Variants in PPARG observed in about 807,000 individuals in gnomAD.
PPARG encodes the protein peroxisome proliferator activated receptor gamma.
Under a neutral mutation model 39.2 loss-of-function variants are expected in PPARG, and 17 were observed. The ratio of observed to expected loss-of-function variants is 0.43; its 90% CI spans 0.30 to 0.65. PPARG has a LOEUF of 0.65. Ranked by LOEUF, PPARG falls within the 30% of genes least tolerant of loss-of-function variation. The probability of loss-of-function intolerance (pLI) is 0.13; values close to 1 mark genes in which losing one functional copy is unlikely to be tolerated. For synonymous variants in PPARG, 223 were observed against 215.7 expected (o/e 1.03, Z -0.30); for missense variants, 406 against 585.9 (o/e 0.69, Z 3.17).
intron 1 of PPARG, among the ~76,000 whole-genome samples, chr3:12,305,574 T>C (rs1207619289): frequency 6.6e-6 from 1 of 152,264 alleles, no homozygotes; most frequent in Admixed American, 6.5e-5. Flanking sequence ...TTTATTACAC[T>C]TTCATATGTG....
In PPARG at chr3:12,390,637, C is replaced by CTTTTTTTTT. The variant is rs35190152; in HGVS notation, c.391-1964_391-1956dup. 6.5e-5 allele frequency among the ~76,000 whole-genome samples: 6 copies of CTTTTTTTTT among 92,354 alleles called. 1 individual carries two copies. Among genetic ancestry groups the CTTTTTTTTT allele is most frequent in the African/African-American group, 9.0e-5 (2 of 22,272 alleles). The allele number at this position is 92,354 out of a possible 152,430, so 60.6% of individuals were successfully genotyped here. On this transcript the variant is annotated intron_variant, in intron 4 of 7. Coordinates refer to ENST00000651735, the MANE Select transcript of PPARG (RefSeq NM_138711.6). ...TATGTGATAAAGCTGTATTTTCTTC[C>CTTTTTTTTT]TTTTTTTTTTTTTTTTTTTTTGAGA...
chr3:12,355,487 A>G (rs1447881352), intron 2 of PPARG, among the ~76,000 whole-genome samples: 2 of 152,284 alleles, frequency 1.3e-5, no homozygotes, highest in Admixed American at 1.3e-4. Flanking sequence ...TTTTTCTTGA[A>G]TATTACTCTT....
intron 2 of PPARG, among the ~76,000 whole-genome samples, chr3:12,358,011 A>G (rs780305597): frequency 3.3e-5 from 5 of 152,232 alleles, no homozygotes; most frequent in Non-Finnish European, 7.3e-5. Context: ...ATTTTAGTGT[A>G]TGTTAAATAT....
At chr3:12,315,187 T>C (rs145299836) in intron 2 of PPARG, among the ~76,000 whole-genome samples, 45 of 152,322 alleles carry the variant, frequency 3.0e-4, no homozygotes, top group African/African-American at 9.4e-4. Context: ...AAACTTCGCA[T>C]ATGAGTGAGA....
chr3:12,414,462 GA>G (rs2050991053), intron 6 of PPARG, among the ~76,000 whole-genome samples: 1 of 151,908 alleles, frequency 6.6e-6, no homozygotes, highest in African/African-American at 2.4e-5. Flanking sequence ...CTCAAAAAAT[GA>G]AATAATTTTT....
chr3:12,332,833 C>G (rs117350179), intron 2 of PPARG, among the ~76,000 whole-genome samples: 4,847 of 152,248 alleles, frequency 0.032, 266 homozygotes, highest in East Asian at 0.28. Flanking sequence ...GAGTTCAAGA[C>G]TAGCCTGGGA....
intron 4 of PPARG, among the ~76,000 whole-genome samples, chr3:12,385,768 C>T (rs940767963): frequency 8.5e-5 from 13 of 152,128 alleles, no homozygotes; most frequent in Non-Finnish European, 2.9e-5. Flanking sequence ...TTCTCACCTG[C>T]CAGTCGTAGC....
At chr3:12,364,999 T>C (rs2048969155) in intron 2 of PPARG, among the ~76,000 whole-genome samples, 2 of 152,186 alleles carry the variant, frequency 1.3e-5, no homozygotes, top group Admixed American at 6.5e-5. Flanking sequence ...TGGAAGACAG[T>C]TTTTCCATGG....
chr3:12,372,591 T>A (rs2049259355), intron 2 of PPARG, among the ~76,000 whole-genome samples: 1 of 152,182 alleles, frequency 6.6e-6, no homozygotes, highest in South Asian at 2.1e-4. Context: ...ATGTAACATT[T>A]TACCAGCTAT....
chr3:12,399,730 T>C (rs1285600323), intron 5 of PPARG, among the ~76,000 whole-genome samples: 1 of 149,438 alleles, frequency 6.7e-6, no homozygotes, highest in Non-Finnish European at 1.5e-5. Flanking sequence ...GAGCCAGGTG[T>C]AGTGGCTCAT....
At chr3:12,394,352 A>G (rs1007733091) in intron 5 of PPARG, among the ~76,000 whole-genome samples, 2 of 152,220 alleles carry the variant, frequency 1.3e-5, no homozygotes, top group African/African-American at 2.4e-5. Flanking sequence ...CCTGTTGCTT[A>G]CAGGCATTGC....
chr3:12,396,273 A>G (rs746508664), intron 5 of PPARG, among the ~76,000 whole-genome samples: 1 of 151,784 alleles, frequency 6.6e-6, no homozygotes, highest in Non-Finnish European at 1.5e-5. Context: ...AGGTGCCCGA[A>G]ACCATACCCA....
At chr3:12,411,579 A>G (rs922391394) in intron 6 of PPARG, among the ~76,000 whole-genome samples, 1 of 152,212 alleles carries the variant, frequency 6.6e-6, no homozygotes, top group African/African-American at 2.4e-5. Flanking sequence ...ATAGAAAGCA[A>G]TGGAAAGGGA....
At chr3:12,334,267 G>C (rs1352649306) in intron 2 of PPARG, among the ~76,000 whole-genome samples, 3 of 144,958 alleles carry the variant, frequency 2.1e-5, no homozygotes, top group Non-Finnish European at 3.0e-5. Context: ...GTCTTGCTCT[G>C]TGACCCTGGC....
intron 5 of PPARG, among the ~76,000 whole-genome samples, chr3:12,394,868 T>C (rs528600937): frequency 6.6e-6 from 1 of 152,350 alleles, no homozygotes; most frequent in East Asian, 1.9e-4. Context: ...TCATATAGAA[T>C]GCCTTTTTAT....
rs369178039 is a variant in PPARG, at chr3:12,379,806, T to C, written c.95T>C (p.Ile32Thr). Reference sequence around the variant, plus strand: ...GAAGACCACTCCCACTCCTTTGATATCAAGCCCTTCACTACTGTTGACTTC... The same window carrying C: ...GAAGACCACTCCCACTCCTTTGATACCAAGCCCTTCACTACTGTTGACTTC... ...VMEDHSHSFD[I>T]KPFTTVDFSS... Residue 32 changes from isoleucine (I) to threonine (T), a missense_variant, in exon 3 of 8, where the codon ATC becomes ACC. By Grantham distance (89) the Ile-to-Thr change is moderately conservative (BLOSUM62 -1). Transcript: ENST00000651735. 1 of 1,614,068 alleles carries C rather than the reference T, an allele frequency of 6.2e-7. No individual in the cohort carries two copies. Among genetic ancestry groups the C allele is most frequent in the Non-Finnish European group, 8.5e-7 (1 of 1,179,940 alleles).
chr3:12,304,434 C>T (rs919702286), intron 1 of PPARG, among the ~76,000 whole-genome samples: 1 of 152,124 alleles, frequency 6.6e-6, no homozygotes, highest in Admixed American at 6.5e-5. Flanking sequence ...GAGTGATAGC[C>T]TTACTATATT....
chr3:12,321,618 A>G (rs1299141718), intron 2 of PPARG, among the ~76,000 whole-genome samples: 1 of 152,080 alleles, frequency 6.6e-6, no homozygotes, highest in Non-Finnish European at 1.5e-5. Flanking sequence ...CATCGTTTCC[A>G]TCATCCTCCA....
At chr3:12,381,555 C>T in intron 4 of PPARG, 64 bp downstream of exon 4, 1 of 1,527,030 alleles carries the variant, frequency 6.5e-7, no homozygotes, top group East Asian at 2.3e-5. Flanking sequence ...CAGCAGAACC[C>T]CTTTTTTAGG....
Sources: allele counts gnomAD v4.1 joint callset (sites outside exome capture counted in the v4.1 genomes callset), GRCh38; gene constraint gnomAD v4.1.1; transcripts MANE v1.5; gene names NCBI Gene and HGNC (gene_info 2026-07-23, HGNC 2026-07-21).